KMT5B: variants seen among roughly 807,000 people sequenced by gnomAD.
The protein encoded by KMT5B is lysine methyltransferase 5B.
KMT5B carries 10 observed loss-of-function variants against 83.2 expected under a neutral mutation model. That is an observed-to-expected ratio of 0.12 (90% CI 0.07 to 0.20). The LOEUF is 0.20. Among genes scored for constraint, KMT5B ranks in the 10% least tolerant of loss-of-function variants. The pLI is 1.00. For synonymous variants in KMT5B, 349 were observed against 388.8 expected, an observed-to-expected ratio of 0.90 and a Z score of 1.20; for missense variants, 753 against 1,067.2, an observed-to-expected ratio of 0.71 and a Z score of 4.10.
intron 2 of KMT5B, among the ~76,000 whole-genome samples, chr11:68,188,020 CTTTTTCTTTTTT>C (rs2153069961): frequency 6.6e-6 from 1 of 150,876 alleles, no homozygotes; most frequent in African/African-American, 2.4e-5. Flanking sequence ...GGCCATTTTC[CTTTTTCTTTTTT>C]TTTTTTTTTT....
chr11:68,162,480 CCT>C, intron 10 of KMT5B, among the ~76,000 whole-genome samples: 1 of 152,176 alleles, frequency 6.6e-6, no homozygotes, highest in Admixed American at 6.5e-5. Flanking sequence ...GCAACACCTC[CCT>C]GAGGGAGCCT....
At chr11:68,174,724 T>A (rs1458134711) in intron 5 of KMT5B, among the ~76,000 whole-genome samples, 1 of 152,110 alleles carries the variant, frequency 6.6e-6, no homozygotes, top group Non-Finnish European at 1.5e-5. Context: ...TCTTATTTTT[T>A]TAGAGATGGA....
intron 1 of KMT5B, among the ~76,000 whole-genome samples, chr11:68,200,671 A>G (rs1859324239): frequency 6.6e-6 from 1 of 152,226 alleles, no homozygotes; most frequent in Non-Finnish European, 1.5e-5. Context: ...CAGAGCGCTT[A>G]TAGGATCTGT....
At position 68,158,634 on chromosome 11, in the gene KMT5B, G is replaced by T; in HGVS notation, c.1712C>A (p.Pro571His). The T allele has an allele frequency of 6.2e-7, 1 of 1,614,212 alleles. No homozygotes were observed. Among genetic ancestry groups the T allele is most frequent in the Non-Finnish European group, 8.5e-7 (1 of 1,180,044 alleles). The change falls in exon 11 of 11, where the codon CCT (proline) becomes CAT (histidine). Residue 571 changes from proline to histidine, a missense_variant. By Grantham distance (77) the Pro-to-His change is moderately conservative. Coordinates refer to ENST00000304363, the MANE Select transcript of KMT5B (RefSeq NM_017635.5). ...CAGCTGTTCACCACTGTCGGGGCAAGGTTCCGTCACACTGCTTTTATAGCC... is the reference window on the plus strand; with the variant it reads ...CAGCTGTTCACCACTGTCGGGGCAATGTTCCGTCACACTGCTTTTATAGCC... ...LNGYKSSVTEPCPDSGEQLQP... is the reference protein window; with the variant it reads ...LNGYKSSVTEHCPDSGEQLQP...
chr11:68,166,406 G>C (rs1855324883), intron 10 of KMT5B: 6 of 1,016,780 alleles, frequency 5.9e-6, no homozygotes, highest in South Asian at 4.1e-5. Context: ...CTACTTTCTG[G>C]AGTAGCCAAT....
intron 1 of KMT5B, among the ~76,000 whole-genome samples, chr11:68,195,939 T>C (rs1425318835): frequency 6.6e-6 from 1 of 152,184 alleles, no homozygotes; most frequent in African/African-American, 2.4e-5. Context: ...GGCAGATCAC[T>C]TGAATCCAGG....
At chr11:68,207,102 C>T (rs558109632) in intron 1 of KMT5B, among the ~76,000 whole-genome samples, 1 of 151,774 alleles carries the variant, frequency 6.6e-6, no homozygotes, top group African/African-American at 2.4e-5. Context: ...ATTAGCCGGG[C>T]ATGGTGGCGG....
chr11:68,158,237 A>G lies in KMT5B; in HGVS notation c.2109T>C (p.Tyr703=), dbSNP rs756654579. The G allele has an allele frequency of 1.2e-6, 2 of 1,614,084 alleles. No individual in the cohort carries two copies. The highest frequency in any genetic ancestry group is 1.7e-6 in the Non-Finnish European group (2 of 1,180,048). The part of the protein sequence containing the change: ...KSKKKRRITR[Y]DAQLILENNS... The stretch of plus-strand genomic sequence containing the variant: ...TATTTTCTAGGATTAACTGTGCATC[A>G]TACCTTGTGATTCGCCTCTTCTTTT... The change falls in exon 11 of 11, where the codon TAT becomes TAC. Residue 703 remains tyrosine, a synonymous_variant. Transcript: ENST00000304363.
rs146460157 is a variant in KMT5B, at chr11:68,203,038, C to T, written c.-77+10100G>A. On this transcript the variant is annotated intron_variant, in intron 1 of 10. Transcript: ENST00000304363. Reference sequence around the variant, plus strand: ...TCACCCAGGCTGTAGTGCAGTGGCACGATCTCAGCTCACTGCAACCTCCGC... The same window carrying T: ...TCACCCAGGCTGTAGTGCAGTGGCATGATCTCAGCTCACTGCAACCTCCGC... Among the ~76,000 whole-genome samples the T allele has an allele frequency of 7.3e-3, 1,116 of 152,146 alleles. 7 individuals are homozygous for T. The highest frequency in any genetic ancestry group is 0.011 in the Non-Finnish European group (780 of 68,000).
chr11:68,170,639 A>G (rs926595663), intron 9 of KMT5B, among the ~76,000 whole-genome samples: 12 of 152,216 alleles, frequency 7.9e-5, no homozygotes, highest in African/African-American at 2.7e-4. Flanking sequence ...ACAGCTTGAT[A>G]ATATGCAAGA....
intron 1 of KMT5B, among the ~76,000 whole-genome samples, chr11:68,204,070 GCCA>G (rs1336878004): frequency 6.6e-6 from 1 of 152,042 alleles, no homozygotes; most frequent in Admixed American, 6.6e-5. Context: ...CCTCACTCAG[GCCA>G]CCAAGAGAAT....
chr11:68,213,465 C>T (rs1033516025), upstream of KMT5B: 1 of 148,644 alleles, frequency 6.7e-6, no homozygotes, highest in Admixed American at 6.7e-5. Flanking sequence ...GCCCCGCCAC[C>T]CGGGGCCTCA....
intron 1 of KMT5B, among the ~76,000 whole-genome samples, chr11:68,211,258 C>T (rs988317772): frequency 2.0e-5 from 3 of 152,184 alleles, no homozygotes; most frequent in African/African-American, 7.2e-5. Context: ...TCCACCTCCA[C>T]CTTCCCCACT....
At chr11:68,172,798 A>G (rs1030638359) in intron 6 of KMT5B, among the ~76,000 whole-genome samples, 2 of 152,074 alleles carry the variant, frequency 1.3e-5, no homozygotes, top group African/African-American at 4.8e-5. Context: ...ATACATCCTG[A>G]GGTAAATGAA....
At chr11:68,174,395 C>T (rs1856147088) in intron 5 of KMT5B, among the ~76,000 whole-genome samples, 1 of 152,026 alleles carries the variant, frequency 6.6e-6, no homozygotes, top group South Asian at 2.1e-4. Flanking sequence ...AGTGTCAGGT[C>T]GGTGTTCAAA....
In KMT5B at chr11:68,157,920, A is replaced by G. The variant is rs914188764; in HGVS notation, c.2426T>C (p.Leu809Ser). 5 of 1,614,130 alleles carry G rather than the reference A, an allele frequency of 3.1e-6. No individual in the cohort carries two copies. Among genetic ancestry groups the G allele is most frequent in the Non-Finnish European group, 4.2e-6 (5 of 1,179,994 alleles). ...GTCATCCACCTCCATTCGAGACTCC[A>G]AGAGAGAAAGAGGATCACTGCAGCA... ...GVCCSDPLSL[L>S]ESRMEVDDYS... Residue 809 changes from leucine to serine, a missense_variant, in exon 11 of 11, where the codon TTG (leucine) becomes TCG (serine). By Grantham distance (145) the Leu-to-Ser change is moderately radical (BLOSUM62 -2). Coordinates refer to ENST00000304363, the MANE Select transcript of KMT5B (RefSeq NM_017635.5).
chr11:68,169,773 C>T (rs947238864), intron 9 of KMT5B, among the ~76,000 whole-genome samples: 3 of 152,184 alleles, frequency 2.0e-5, no homozygotes, highest in Non-Finnish European at 4.4e-5. Context: ...GTTTCCTCTA[C>T]AAAATGATTT....
intron 4 of KMT5B, among the ~76,000 whole-genome samples, chr11:68,178,631 G>C (rs1856608419): frequency 6.6e-6 from 1 of 152,168 alleles, no homozygotes. Context: ...AATGGTTAAG[G>C]GTGCAGACAG....
chr11:68,179,749 T>A, intron 4 of KMT5B: 1 of 730,914 alleles, frequency 1.4e-6, no homozygotes, highest in Non-Finnish European at 1.8e-6. Context: ...CATTTCCCCC[T>A]CTGAAGAAAG....
Sources: allele counts gnomAD v4.1 joint callset (sites outside exome capture counted in the v4.1 genomes callset), GRCh38; gene constraint gnomAD v4.1.1; transcripts MANE v1.5; gene names NCBI Gene and HGNC (gene_info 2026-07-23, HGNC 2026-07-21).